The following ACYP2 variants were observed in gnomAD, a reference collection of about 807,000 sequenced individuals.
The protein encoded by ACYP2 is acylphosphatase 2, also known as acylphosphatase-2.
Under a neutral mutation model 11.2 loss-of-function variants are expected in ACYP2, and 12 were observed. The ratio of observed to expected loss-of-function variants is 1.08; its 90% CI spans 0.69 to 1.74. ACYP2 has a LOEUF of 1.74. Ranked by LOEUF, ACYP2 falls within the 40% of genes most tolerant of loss-of-function variation. The pLI is 0.00. For missense variants in ACYP2, 134 were observed against 101.9 expected, an observed-to-expected ratio of 1.31 and a Z score of -1.35; for synonymous variants, 43 against 32.2, an observed-to-expected ratio of 1.33 and a Z score of -1.13.
chr2:54,088,941 A>G (rs1193008662), intron 4 of ACYP2, among the ~76,000 whole-genome samples: 1 of 152,216 alleles, frequency 6.6e-6, no homozygotes, highest in Non-Finnish European at 1.5e-5. Context: ...CCACAATTGC[A>G]TGTTCAACAG....
At chr2:54,292,895 G>A (rs1354922032) in intron 6 of ACYP2, among the ~76,000 whole-genome samples, 4 of 152,148 alleles carry the variant, frequency 2.6e-5, no homozygotes, top group Non-Finnish European at 2.9e-5. Flanking sequence ...ATCTAGATTT[G>A]TTATTCCAGT....
intron 6 of ACYP2, among the ~76,000 whole-genome samples, chr2:54,195,653 A>C (rs938037507): frequency 1.4e-5 from 1 of 72,010 alleles, no homozygotes; most frequent in Non-Finnish European, 2.8e-5. Context: ...AAAAAAAAAC[A>C]AAACACTGTA....
rs1048125912 is a variant in ACYP2 at position 54,044,388 on chromosome 2, A to G, written c.63-6570A>G. Reference sequence around the variant, plus strand: ...GGCGGGTAGATCACTTGGGACGAGGAGTTCAAGACTAGCCTGGGCAATATG... The same window carrying G: ...GGCGGGTAGATCACTTGGGACGAGGGGTTCAAGACTAGCCTGGGCAATATG... On this transcript the variant is annotated intron_variant, in intron 2 of 6. Coordinates refer to ENST00000607452, the MANE Select transcript of ACYP2 (RefSeq NM_001320586.2). 2.6e-5 allele frequency among the ~76,000 whole-genome samples: 4 copies of G among 151,910 alleles called. No homozygotes were observed. In the East Asian group the frequency reaches 5.8e-4, roughly 22 times the overall value.
At chr2:54,189,432 G>A (rs1684143238) in intron 6 of ACYP2, among the ~76,000 whole-genome samples, 1 of 152,014 alleles carries the variant, frequency 6.6e-6, no homozygotes, top group Non-Finnish European at 1.5e-5. Flanking sequence ...TTCTGTGTCT[G>A]GATTATTTTA....
intron 2 of ACYP2, among the ~76,000 whole-genome samples, chr2:54,010,211 C>T (rs931273082): frequency 5.3e-5 from 8 of 152,092 alleles, no homozygotes; most frequent in Non-Finnish European, 7.4e-5. Flanking sequence ...TGGCCAGGCG[C>T]AGTGGCTCAC....
intron 2 of ACYP2, among the ~76,000 whole-genome samples, chr2:54,040,215 G>T (rs1182269074): frequency 6.6e-6 from 1 of 152,058 alleles, no homozygotes; most frequent in Non-Finnish European, 1.5e-5. Flanking sequence ...GGTGTGAGAG[G>T]AAAAGAAGCA....
At chr2:54,064,975 T>A (rs1305087182) in intron 4 of ACYP2, among the ~76,000 whole-genome samples, 1 of 152,006 alleles carries the variant, frequency 6.6e-6, no homozygotes, top group Non-Finnish European at 1.5e-5. Flanking sequence ...TCCCAGGTAC[T>A]CGGGAGGCTG....
intron 6 of ACYP2, among the ~76,000 whole-genome samples, chr2:54,225,273 G>A (rs1572959709): frequency 6.6e-6 from 1 of 152,282 alleles, no homozygotes; most frequent in Admixed American, 6.5e-5. Flanking sequence ...GTGGAGCATG[G>A]TTGGAGCAGA....
chr2:54,042,367 G>A (rs2104564053), intron 2 of ACYP2, among the ~76,000 whole-genome samples: 1 of 152,346 alleles, frequency 6.6e-6, no homozygotes, highest in South Asian at 2.1e-4. Context: ...CAAGCTTGGT[G>A]TTAAGCTATA....
At chr2:54,025,335 A>G (rs1674225080) in intron 2 of ACYP2, among the ~76,000 whole-genome samples, 1 of 152,204 alleles carries the variant, frequency 6.6e-6, no homozygotes, top group African/African-American at 2.4e-5. Flanking sequence ...AAACTATACT[A>G]TAAGGCTATA....
chr2:54,272,982 C>A (rs1207939244), intron 6 of ACYP2, among the ~76,000 whole-genome samples: 2 of 152,220 alleles, frequency 1.3e-5, no homozygotes, highest in Non-Finnish European at 2.9e-5. Context: ...ACCAGGTCAG[C>A]TTGTTTTCAT....
intron 6 of ACYP2, among the ~76,000 whole-genome samples, chr2:54,279,731 A>C (rs1465298287): frequency 1.3e-5 from 2 of 152,172 alleles, no homozygotes; most frequent in Non-Finnish European, 2.9e-5. Context: ...AAATGAATAC[A>C]TGGATGAAAA....
chr2:54,222,897 C>T (rs143081605), intron 6 of ACYP2: 49 of 120,812 alleles, frequency 4.1e-4, no homozygotes, highest in African/African-American at 1.5e-3. Flanking sequence ...TGAGGACCTC[C>T]ATGCAAAACA....
rs572453460 is a variant in ACYP2, at chr2:54,044,849, A to G, written c.63-6109A>G. ...GGTTTGTTGTTGTGAAACCATCCCT[A>G]TAAACTTTACAAAAATTAATCAGAA... On this transcript the variant is annotated intron_variant, in intron 2 of 6. Transcript: ENST00000607452. Among the ~76,000 whole-genome samples the G allele has an allele frequency of 3.3e-5, 5 of 152,188 alleles. No homozygotes were observed. The South Asian group carries it at 1.0e-3, about 31-fold the overall frequency.
At chr2:54,211,957 G>A (rs61272232) in intron 6 of ACYP2, among the ~76,000 whole-genome samples, 4,435 of 151,690 alleles carry the variant, frequency 0.029, 200 homozygotes, top group African/African-American at 0.1. Context: ...AATTTATTTC[G>A]GGCAGGATTT....
At chr2:53,992,204 C>G (rs1672336199) in intron 2 of ACYP2, among the ~76,000 whole-genome samples, 1 of 150,888 alleles carries the variant, frequency 6.6e-6, no homozygotes, top group Non-Finnish European at 1.5e-5. Context: ...TTCCTTCCTT[C>G]CTTTCTTCTT....
In ACYP2 at chr2:54,295,868, C is replaced by CT. The variant is rs1689499836; in HGVS notation, c.405-8819dup. 2.0e-5 allele frequency among the ~76,000 whole-genome samples: 3 copies of CT among 152,060 alleles called. No individual in the cohort carries two copies. The South Asian group carries it at 6.2e-4, about 32-fold the overall frequency. On this transcript the variant is annotated intron_variant, in intron 6 of 6. Transcript: ENST00000607452. Reference sequence around the variant, plus strand: ...CTCCGCCTCCCGGGTTCAAGCAATTCTCGTACCTCAGCCTCCCACATAGCT... The same window carrying CT: ...CTCCGCCTCCCGGGTTCAAGCAATTCTTCGTACCTCAGCCTCCCACATAGCT...
chr2:54,084,795 G>C (rs965331899), intron 4 of ACYP2: 1 of 152,182 alleles, frequency 6.6e-6, no homozygotes, highest in African/African-American at 2.4e-5. Flanking sequence ...TCAGCAACTT[G>C]CCTTGCACTG....
intron 2 of ACYP2, among the ~76,000 whole-genome samples, chr2:54,019,424 T>A (rs1303301716): frequency 6.6e-6 from 1 of 151,812 alleles, no homozygotes; most frequent in Non-Finnish European, 1.5e-5. Context: ...TCACTTAGGC[T>A]GGAATGCAGT....
Sources: gnomAD v4.1 joint callset for allele counts (sites outside exome capture counted in the v4.1 genomes callset) on GRCh38, gnomAD v4.1.1 for gene constraint, MANE v1.5 for transcripts, NCBI Gene and HGNC (gene_info 2026-07-23, HGNC 2026-07-21) for gene names.